The following DOCK6 variants were observed in gnomAD, a reference collection of about 807,000 sequenced individuals.
The protein encoded by DOCK6 is dedicator of cytokinesis 6.
In DOCK6, 167 loss-of-function variants were observed where a neutral mutation model predicts 230.3. The observed-to-expected ratio is 0.73, with a 90% CI of 0.64 to 0.82. The LOEUF is 0.82. Among genes scored for constraint, DOCK6 ranks in the 40% least tolerant of loss-of-function variants. The probability of loss-of-function intolerance (pLI) is 0.00; values close to 1 mark genes in which losing one functional copy is unlikely to be tolerated. For synonymous variants in DOCK6, 1,148 were observed against 1,185.0 expected (o/e 0.97, Z 0.64); for missense variants, 2,598 against 2,825.8 (o/e 0.92, Z 1.83).
At chr19:11,210,011 C>G (rs117074545) in intron 37 of DOCK6, among the ~76,000 whole-genome samples, 2 of 134,168 alleles carry the variant, frequency 1.5e-5, no homozygotes, top group African/African-American at 5.6e-5. Context: ...CACCTGCCCA[C>G]CTTCTCACCT....
chr19:11,214,815 C>T (rs1200126672), intron 32 of DOCK6, among the ~76,000 whole-genome samples, 166 bp from the exon 33 acceptor site: 1 of 152,066 alleles, frequency 6.6e-6, no homozygotes, highest in Admixed American at 6.6e-5. Context: ...TGCTCTGTTG[C>T]CCAGGCTGGA....
At chr19:11,215,288 T>C in intron 32 of DOCK6, 99 bp downstream of exon 32, 1 of 1,090,726 alleles carries the variant, frequency 9.2e-7, no homozygotes, top group Non-Finnish European at 1.4e-6. Context: ...GGTCTTACTA[T>C]GTTGCCCAGG....
intron 24 of DOCK6, among the ~76,000 whole-genome samples, chr19:11,226,269 A>G (rs1324674910): frequency 6.6e-6 from 1 of 152,192 alleles, no homozygotes; most frequent in East Asian, 1.9e-4. Context: ...GTGTGGTACA[A>G]GGTTAAGCTA....
intron 37 of DOCK6, 117 bp downstream of exon 37, chr19:11,211,659 G>A (rs973927817): frequency 1.3e-6 from 1 of 774,966 alleles, no homozygotes; most frequent in Non-Finnish European, 2.1e-6. Flanking sequence ...GCCTCTGTTA[G>A]GGACTGTATG....
chr19:11,215,441 A>G lies in DOCK6; in HGVS notation c.4052T>C (p.Val1351Ala). Residue 1351 changes from valine to alanine, a missense_variant, in exon 32 of 48, where the codon GTG (valine) becomes GCG (alanine). Coordinates refer to ENST00000294618, the MANE Select transcript of DOCK6 (RefSeq NM_020812.4). ...GTGTGTGACGCTCTTCCGCCAGCGC[A>G]CATTCTCCGGATTCCCAAACGGGCT... ...ERSPFGNPEN[V>A]RWRKSVTHWK... is the part of the protein sequence containing the mutation. The G allele has an allele frequency of 6.2e-7, 1 of 1,613,526 alleles. No homozygotes were observed. Among genetic ancestry groups the G allele is most frequent in the South Asian group, 1.1e-5 (1 of 91,068 alleles).
At chr19:11,246,833 G>C (rs1179658461) in intron 7 of DOCK6, among the ~76,000 whole-genome samples, 1 of 152,076 alleles carries the variant, frequency 6.6e-6, no homozygotes, top group Non-Finnish European at 1.5e-5. Context: ...CCACCTTGCT[G>C]GCCTCCGCTC....
At chr19:11,208,565 C>A in intron 39 of DOCK6, 121 bp downstream of exon 39, 1 of 1,387,158 alleles carries the variant, frequency 7.2e-7, no homozygotes, top group Non-Finnish European at 9.5e-7. Flanking sequence ...AGGCGTGAGC[C>A]ACCGCGCCCA....
In DOCK6 at chr19:11,217,221, C is replaced by T; in HGVS notation, c.3711+10G>A. On this transcript the variant is annotated intron_variant, in intron 29 of 47. Transcript: ENST00000294618. ...GGATGATGTCTATGGGGACAAGCCT[C>T]CCTACTCACCGTTGGTGGCCCCTGG... 2 of 1,611,206 alleles carry T rather than the reference C, an allele frequency of 1.2e-6. No individual in the cohort carries two copies. Among genetic ancestry groups the T allele is most frequent in the Non-Finnish European group, 1.7e-6 (2 of 1,178,512 alleles).
intron 6 of DOCK6, among the ~76,000 whole-genome samples, chr19:11,249,701 G>A (rs2080087288): frequency 1.3e-5 from 2 of 151,466 alleles, no homozygotes; most frequent in African/African-American, 4.8e-5. Flanking sequence ...TTCGAGACCA[G>A]CCTGGCCAAC....
Position 11,200,625 on chromosome 19 carries a change from T to A in DOCK6, c.5939+91A>T. ...GTGGACTTAATGGGAATCGGGCAGA[T>A]GGGGGAGCCATGCAGAGATCAGATG... is the stretch of plus-strand genomic sequence containing the variant. On this transcript the variant is annotated intron_variant, in intron 46 of 47. Coordinates refer to ENST00000294618, the MANE Select transcript of DOCK6 (RefSeq NM_020812.4). The surrounding 1 kb of genome is among the most constrained non-coding windows in gnomAD (Gnocchi z 4.3). The A allele has an allele frequency of 6.7e-7, 1 of 1,494,720 alleles. No homozygotes were observed. The highest frequency in any genetic ancestry group is 9.0e-7 in the Non-Finnish European group (1 of 1,105,682). 92.6% of individuals were successfully genotyped at this position (1,494,720 alleles called of 1,614,324 possible). A position where few individuals can be genotyped will look rare whatever the true frequency, so the allele number is the denominator to read the frequency against.
chr19:11,213,608 G>A (rs888268175), intron 34 of DOCK6, among the ~76,000 whole-genome samples: 1 of 150,776 alleles, frequency 6.6e-6, no homozygotes, highest in African/African-American at 2.4e-5. Flanking sequence ...CAATGAATGA[G>A]CTCCTTTTTT....
chr19:11,230,093 G>A (rs546250340), intron 22 of DOCK6, among the ~76,000 whole-genome samples: 1 of 151,670 alleles, frequency 6.6e-6, no homozygotes, highest in Admixed American at 6.6e-5. Context: ...TAGCACTTTG[G>A]GAGGCCGAGG....
Position 11,227,409 on chromosome 19 carries a change from G to T in DOCK6, c.2883C>A (p.Pro961=), listed in dbSNP as rs370648857. 6.2e-7 allele frequency: 1 copy of T among 1,613,302 alleles called. No individual in the cohort carries two copies. Among genetic ancestry groups the T allele is most frequent in the African/African-American group, 1.3e-5 (1 of 74,904 alleles). The change falls in exon 24 of 48, where the codon CCC becomes CCA. Residue 961 remains proline (P), a synonymous_variant. Coordinates refer to ENST00000294618, the MANE Select transcript of DOCK6 (RefSeq NM_020812.4). ...CAGTGATGTCGTCCAGGAAGCGTCC[G>T]GGGAAGCGCAGCTTGCGGGGTGTGT... is the stretch of plus-strand genomic sequence containing the variant. ...RLDTPRKLRF[P]GRFLDDITAL... is the part of the protein sequence containing the mutation.
intron 24 of DOCK6, 50 bp from the exon 25 acceptor site, chr19:11,223,156 C>G (rs753323575): frequency 1.4e-5 from 21 of 1,545,282 alleles, no homozygotes; most frequent in Admixed American, 5.2e-5. Flanking sequence ...TCAGCCCCGA[C>G]AGGGGCTTGG....
At chr19:11,259,947 G>C (rs143945015) in intron 1 of DOCK6, among the ~76,000 whole-genome samples, 1 of 135,914 alleles carries the variant, frequency 7.4e-6, no homozygotes. Context: ...GCAGTGGCAC[G>C]ATCTCTGCTC....
Position 11,221,981 on chromosome 19 carries a change from G to A in DOCK6, c.3420C>T (p.His1140=). 1 of 1,613,844 alleles carries A rather than the reference G, an allele frequency of 6.2e-7. No individual in the cohort carries two copies. The highest frequency in any genetic ancestry group is 8.5e-7 in the Non-Finnish European group (1 of 1,179,826). The change falls in exon 28 of 48, where the codon CAC becomes CAT. Residue 1140 remains histidine, a synonymous_variant. Coordinates refer to ENST00000294618, the MANE Select transcript of DOCK6 (RefSeq NM_020812.4). ...LLHKKAISAV[H]SLLCGHDTDP... ...CAGTGTCATGGCCACATAGCAGGCT[G>A]TGCACAGCACTGATGGCCTTCTTGT...
In DOCK6 at chr19:11,204,254, C is replaced by T; in HGVS notation, c.5166G>A (p.Lys1722=). The change falls in exon 40 of 48, where the codon AAG becomes AAA. Residue 1722 remains lysine, a synonymous_variant. Coordinates refer to ENST00000294618, the MANE Select transcript of DOCK6 (RefSeq NM_020812.4). ...PILEAHRDYK[K]LAAVHGKLQE... ...GCAGTTTGCCGTGCACCGCGGCCAG[C>T]TTCTTGTAGTCACGGTGGGCTTCCA... 6.3e-7 allele frequency: 1 copy of T among 1,599,254 alleles called. No homozygotes were observed. The highest frequency in any genetic ancestry group is 8.5e-7 in the Non-Finnish European group (1 of 1,172,030).
chr19:11,219,885 A>C (rs1243290235), intron 28 of DOCK6, among the ~76,000 whole-genome samples: 1 of 152,130 alleles, frequency 6.6e-6, no homozygotes, highest in African/African-American at 2.4e-5. Flanking sequence ...ATTGAGGTAC[A>C]GTGAGGTTAA....
chr19:11,204,426 A>AC, intron 39 of DOCK6, 95 bp from the exon 40 acceptor site: 1 of 1,506,352 alleles, frequency 6.6e-7, no homozygotes, highest in East Asian at 2.4e-5. Context: ...CCGTGCTCCT[A>AC]CCCACCCTCC....
Sources: gnomAD v4.1 joint callset for allele counts (sites outside exome capture counted in the v4.1 genomes callset) on GRCh38, gnomAD v4.1.1 for gene constraint, Gnocchi (gnomAD v3.1) non-coding constraint, MANE v1.5 for transcripts, NCBI Gene and HGNC (gene_info 2026-07-23, HGNC 2026-07-21) for gene names.